The following UNC5C variants were observed in gnomAD, a reference collection of about 807,000 sequenced individuals.
UNC5C encodes netrin receptor UNC5C.
UNC5C carries 47 observed loss-of-function variants against 99.8 expected under a neutral mutation model. The ratio of observed to expected loss-of-function variants is 0.47; its 90% CI spans 0.37 to 0.60. The LOEUF is 0.60. Ranked by LOEUF, UNC5C falls within the 20% of genes least tolerant of loss-of-function variation. The pLI is 0.00. For synonymous variants in UNC5C, 487 were observed against 452.2 expected, an observed-to-expected ratio of 1.08 and a Z score of -0.98; for missense variants, 1,062 against 1,165.9, an observed-to-expected ratio of 0.91 and a Z score of 1.30.
intron 1 of UNC5C, among the ~76,000 whole-genome samples, chr4:95,369,387 CA>C (rs1363656475): frequency 6.6e-6 from 1 of 151,136 alleles, no homozygotes; most frequent in Non-Finnish European, 1.5e-5. Flanking sequence ...CCCAACTCTA[CA>C]AAAAAATATA....
At chr4:95,219,929 T>C (rs1012241677) in intron 8 of UNC5C, 56 bp downstream of exon 8, 2 of 1,556,100 alleles carry the variant, frequency 1.3e-6, no homozygotes. Flanking sequence ...AAGTCATTGA[T>C]TTTGAAACTG....
Position 95,468,128 on chromosome 4 carries a change from GTT to G in UNC5C, c.124+80604_124+80605del, listed in dbSNP as rs36112534. 1.9e-3 allele frequency among the ~76,000 whole-genome samples: 267 copies of G among 140,526 alleles called. 2 individuals carry two copies. Among genetic ancestry groups the G allele is most frequent in the African/African-American group, 5.1e-3 (195 of 38,392 alleles). The allele number at this position is 140,526 out of a possible 152,430, so 92.2% of individuals were successfully genotyped here. A position where few individuals can be genotyped will look rare whatever the true frequency, so the allele number is the denominator to read the frequency against. Reference sequence around the variant, plus strand: ...ATACATCATAATATCTGTTTTTTGGGTTTTTTTTTTTTTTGTTTTTTCATTTC... The same window carrying G: ...ATACATCATAATATCTGTTTTTTGGGTTTTTTTTTTTTGTTTTTTCATTTC... On this transcript the variant is annotated intron_variant, in intron 1 of 15. Transcript: ENST00000453304.
At chr4:95,373,649 T>A (rs1393970856) in intron 1 of UNC5C, among the ~76,000 whole-genome samples, 1 of 152,180 alleles carries the variant, frequency 6.6e-6, no homozygotes, top group Admixed American at 6.5e-5. Context: ...GCACAGCAAC[T>A]GGCACAAGGT....
chr4:95,548,845 G>T lies in UNC5C; in HGVS notation c.13C>A (p.Leu5Met). The change falls in exon 1 of 16, where the codon CTG (leucine) becomes ATG (methionine). Residue 5 changes from leucine to methionine, a missense_variant. Transcript: ENST00000453304. Reference sequence around the variant, plus strand: ...CCGCAGCGGGCCGCTGTCGCCCGCAGACCTTTCCTCATCGTAGACAGAGGT... The same window carrying T: ...CCGCAGCGGGCCGCTGTCGCCCGCATACCTTTCCTCATCGTAGACAGAGGT... The part of the protein sequence containing the change: MRKG[L>M]RATAARCGLG... The T allele has an allele frequency of 6.2e-7, 1 of 1,613,226 alleles. No homozygotes were observed. Among genetic ancestry groups the T allele is most frequent in the South Asian group, 1.1e-5 (1 of 91,034 alleles).
chr4:95,386,746 T>C (rs6532556), intron 1 of UNC5C, among the ~76,000 whole-genome samples: 114,966 of 152,064 alleles, frequency 0.76, 44,277 homozygotes, highest in East Asian at 0.94. Flanking sequence ...TCACCTTTGC[T>C]GGGAAGAACG....
intron 2 of UNC5C, among the ~76,000 whole-genome samples, chr4:95,308,930 A>C (rs936470445): frequency 3.9e-5 from 6 of 152,086 alleles, no homozygotes; most frequent in African/African-American, 1.4e-4. Flanking sequence ...TTAGAAAAAC[A>C]ATCTTAAAAT....
At chr4:95,410,904 C>T (rs532746206) in intron 1 of UNC5C, among the ~76,000 whole-genome samples, 5 of 152,098 alleles carry the variant, frequency 3.3e-5, no homozygotes, top group African/African-American at 9.7e-5. Flanking sequence ...TCACCACCAC[C>T]TGGTTCCCTC....
At chr4:95,405,611 T>C (rs1745812584) in intron 1 of UNC5C, among the ~76,000 whole-genome samples, 1 of 152,218 alleles carries the variant, frequency 6.6e-6, no homozygotes, top group Non-Finnish European at 1.5e-5. Flanking sequence ...TTAAGAAATA[T>C]AAGGGGTTTA....
intron 1 of UNC5C, among the ~76,000 whole-genome samples, chr4:95,437,386 T>TA (rs1746825056): frequency 6.6e-6 from 1 of 151,914 alleles, no homozygotes; most frequent in African/African-American, 2.4e-5. Flanking sequence ...TTAAGACCAA[T>TA]AATTCCATTT....
chr4:95,491,154 G>A (rs1033688836), intron 1 of UNC5C, among the ~76,000 whole-genome samples: 1 of 151,516 alleles, frequency 6.6e-6, no homozygotes, highest in South Asian at 2.1e-4. Context: ...CCAAAAAAGT[G>A]GGTATATATG....
At position 95,252,839 on chromosome 4, in the gene UNC5C, C is replaced by A. The variant is rs375651125; in HGVS notation, c.595-2172G>T. On this transcript the variant is annotated intron_variant, in intron 4 of 15. Coordinates refer to ENST00000453304, the MANE Select transcript of UNC5C (RefSeq NM_003728.4). ...ACACCAAACAACCATAGATTGTCCA[C>A]ATGAGTGACTCACATAGTGATCCCT... 3.1e-4 allele frequency among the ~76,000 whole-genome samples: 47 copies of A among 152,344 alleles called. No individual in the cohort carries two copies. The South Asian group carries it at 6.8e-3, about 22-fold the overall frequency.
At chr4:95,528,214 A>C (rs547920341) in intron 1 of UNC5C, among the ~76,000 whole-genome samples, 2 of 152,180 alleles carry the variant, frequency 1.3e-5, no homozygotes, top group Non-Finnish European at 2.9e-5. Flanking sequence ...AGAGTCCTTC[A>C]TACAAAGTCC....
At chr4:95,515,831 T>A (rs565051243) in intron 1 of UNC5C, among the ~76,000 whole-genome samples, 1 of 152,348 alleles carries the variant, frequency 6.6e-6, no homozygotes, top group Admixed American at 6.5e-5. Flanking sequence ...ATTTTAGGGC[T>A]GTATGCTGGC....
At chr4:95,198,563 G>GGAAA (rs1297739974) in intron 12 of UNC5C, among the ~76,000 whole-genome samples, 281 of 61,836 alleles carry the variant, frequency 4.5e-3, no homozygotes, top group African/African-American at 0.012. Context: ...TAAAATGGAT[G>GGAAA]GAAAGACAGA....
intron 1 of UNC5C, among the ~76,000 whole-genome samples, chr4:95,511,715 G>C (rs1477383250): frequency 1.3e-5 from 2 of 152,088 alleles, no homozygotes; most frequent in Admixed American, 1.3e-4. Context: ...AGGAGATAAA[G>C]CTGATCAACA....
At chr4:95,387,974 G>T (rs1745256490) in intron 1 of UNC5C, among the ~76,000 whole-genome samples, 1 of 152,102 alleles carries the variant, frequency 6.6e-6, no homozygotes, top group African/African-American at 2.4e-5. Flanking sequence ...GTTCCAGAGG[G>T]ATATTTTTCA....
intron 1 of UNC5C, among the ~76,000 whole-genome samples, chr4:95,454,375 TTTTGA>T (rs1352628262): frequency 6.6e-6 from 1 of 152,044 alleles, no homozygotes; most frequent in Admixed American, 6.6e-5. Context: ...AGCAAGAAAC[TTTTGA>T]TTTAACTAGA....
At position 95,240,256 on chromosome 4, in the gene UNC5C, C is replaced by T. The variant is rs548681566; in HGVS notation, c.1108+2173G>A. 3.9e-5 allele frequency among the ~76,000 whole-genome samples: 6 copies of T among 152,268 alleles called. No homozygotes were observed. In the East Asian group the frequency reaches 9.6e-4, roughly 24 times the overall value. ...AACTTTGCACTTTCACTGTTAGAAG[C>T]CTTTGTTTTCCAAAATAATGGCCAA... On this transcript the variant is annotated intron_variant, in intron 7 of 15. Coordinates refer to ENST00000453304, the MANE Select transcript of UNC5C (RefSeq NM_003728.4).
chr4:95,360,620 T>C (rs901610136), intron 1 of UNC5C, among the ~76,000 whole-genome samples: 33 of 152,204 alleles, frequency 2.2e-4, no homozygotes, highest in African/African-American at 8.0e-4. Flanking sequence ...GATAGTGTGC[T>C]TCTTCAGAAT....
Sources: gnomAD v4.1 joint callset for allele counts (sites outside exome capture counted in the v4.1 genomes callset) on GRCh38, gnomAD v4.1.1 for gene constraint, MANE v1.5 for transcripts, NCBI Gene and HGNC (gene_info 2026-07-23, HGNC 2026-07-21) for gene names.